TMCC1: variants seen among roughly 807,000 people sequenced by gnomAD.
TMCC1 encodes transmembrane and coiled-coil domain family 1.
Under a neutral mutation model 52.4 loss-of-function variants are expected in TMCC1, and 15 were observed. That is an observed-to-expected ratio of 0.29 (90% CI 0.19 to 0.44). The LOEUF (loss-of-function observed/expected upper bound fraction) is 0.44, where lower values mean the gene tolerates loss of function less well. TMCC1 is among the 20% of genes least tolerant of loss of function. TMCC1 has a pLI of 1.00. For synonymous variants in TMCC1, 279 were observed against 301.9 expected, an observed-to-expected ratio of 0.92 and a Z score of 0.79; for missense variants, 503 against 806.0, an observed-to-expected ratio of 0.62 and a Z score of 4.55.
intron 4 of TMCC1, among the ~76,000 whole-genome samples, chr3:129,684,238 GAATC>G (rs2089235146): frequency 6.6e-6 from 1 of 152,182 alleles, no homozygotes; most frequent in Non-Finnish European, 1.5e-5. Context: ...AAAAGACTGA[GAATC>G]AATGCACACC....
At chr3:129,870,594 C>T (rs1005109768) in intron 2 of TMCC1, among the ~76,000 whole-genome samples, 2 of 150,666 alleles carry the variant, frequency 1.3e-5, no homozygotes, top group African/African-American at 4.9e-5. Flanking sequence ...AAAAAATTAG[C>T]CAGGCGTGGT....
At chr3:129,686,028 C>T (rs1456203861) in intron 4 of TMCC1, among the ~76,000 whole-genome samples, 2 of 152,206 alleles carry the variant, frequency 1.3e-5, no homozygotes, top group Non-Finnish European at 1.5e-5. Flanking sequence ...CTACTGCTAC[C>T]ACCTTATGAT....
At chr3:129,877,080 G>C (rs548812263) in intron 2 of TMCC1, among the ~76,000 whole-genome samples, 2 of 152,098 alleles carry the variant, frequency 1.3e-5, no homozygotes. Flanking sequence ...ATCTTCTCCT[G>C]CCAAGAACAT....
chr3:129,789,769 C>T (rs1213487993), intron 4 of TMCC1, among the ~76,000 whole-genome samples: 2 of 152,152 alleles, frequency 1.3e-5, no homozygotes, highest in Non-Finnish European at 2.9e-5. Context: ...CGTGAGCCAC[C>T]GTGCCCGGCT....
intron 4 of TMCC1, among the ~76,000 whole-genome samples, chr3:129,782,108 A>G (rs2055583543): frequency 6.6e-6 from 1 of 152,310 alleles, no homozygotes; most frequent in South Asian, 2.1e-4. Flanking sequence ...TCTGTCAGAC[A>G]TTCTAACTGA....
intron 4 of TMCC1, among the ~76,000 whole-genome samples, chr3:129,707,983 T>C (rs192645172): frequency 6.7e-6 from 1 of 149,290 alleles, no homozygotes; most frequent in Non-Finnish European, 1.5e-5. Flanking sequence ...CAGGATATTA[T>C]AGAATTTGTA....
At chr3:129,876,917 A>C (rs2061243100) in intron 2 of TMCC1, among the ~76,000 whole-genome samples, 1 of 152,182 alleles carries the variant, frequency 6.6e-6, no homozygotes, top group Non-Finnish European at 1.5e-5. Context: ...AGATCGTGCC[A>C]CTGCACTCCA....
intron 4 of TMCC1, among the ~76,000 whole-genome samples, chr3:129,713,279 T>C (rs2109001379): frequency 6.6e-6 from 1 of 152,258 alleles, no homozygotes; most frequent in East Asian, 1.9e-4. Flanking sequence ...GTAGGTAATC[T>C]GGCATATAAT....
intron 4 of TMCC1, among the ~76,000 whole-genome samples, chr3:129,765,508 G>A (rs2054053646): frequency 6.6e-6 from 1 of 152,030 alleles, no homozygotes; most frequent in Non-Finnish European, 1.5e-5. Context: ...TATAGAAAAA[G>A]CAGCTTAATT....
intron 4 of TMCC1, among the ~76,000 whole-genome samples, chr3:129,804,696 G>T (rs151162131): frequency 1.0e-3 from 158 of 152,116 alleles, no homozygotes; most frequent in African/African-American, 3.4e-3. Context: ...TTGTGGGCAC[G>T]GTATATCTAA....
intron 2 of TMCC1, among the ~76,000 whole-genome samples, chr3:129,849,633 G>A (rs2059823144): frequency 6.6e-6 from 1 of 151,398 alleles, no homozygotes; most frequent in East Asian, 1.9e-4. Context: ...GGGGGTGGTG[G>A]CGGGCACCTG....
At chr3:129,814,569 T>C (rs897154950) in intron 4 of TMCC1, among the ~76,000 whole-genome samples, 3 of 152,090 alleles carry the variant, frequency 2.0e-5, no homozygotes, top group Non-Finnish European at 4.4e-5. Flanking sequence ...ACACTGAATG[T>C]AAATGGACTC....
chr3:129,752,811 T>C (rs138413656), intron 4 of TMCC1, among the ~76,000 whole-genome samples: 337 of 152,196 alleles, frequency 2.2e-3, no homozygotes, highest in African/African-American at 7.8e-3. Context: ...CTCAGTAATT[T>C]ACGAAGAAAA....
intron 4 of TMCC1, among the ~76,000 whole-genome samples, chr3:129,810,164 C>T (rs1336152677): frequency 7.2e-5 from 11 of 152,098 alleles, no homozygotes. Flanking sequence ...CAAGACCAGC[C>T]TGGGCAACAT....
chr3:129,825,461 T>C (rs2058616663), intron 4 of TMCC1, among the ~76,000 whole-genome samples: 1 of 148,324 alleles, frequency 6.7e-6, no homozygotes, highest in African/African-American at 2.5e-5. Context: ...TTAACCTTAA[T>C]AGAGAACCTG....
At chr3:129,723,631 G>A (rs1309605007) in intron 4 of TMCC1, among the ~76,000 whole-genome samples, 1 of 152,110 alleles carries the variant, frequency 6.6e-6, no homozygotes, top group African/African-American at 2.4e-5. Context: ...CAAGAGACGG[G>A]ACACTCCAGG....
chr3:129,764,788 TA>T (rs1560367816), intron 4 of TMCC1, among the ~76,000 whole-genome samples: 7 of 73,446 alleles, frequency 9.5e-5, no homozygotes, highest in East Asian at 4.4e-4. Context: ...TATATATATA[TA>T]TTTTTTTTTT....
chr3:129,831,723 G>A (rs1040113258), intron 3 of TMCC1, among the ~76,000 whole-genome samples: 3 of 152,194 alleles, frequency 2.0e-5, no homozygotes. Context: ...ATTGCTGACA[G>A]TAAGAATGCA....
intron 5 of TMCC1, among the ~76,000 whole-genome samples, chr3:129,659,691 A>G (rs2086897676): frequency 6.6e-6 from 1 of 152,158 alleles, no homozygotes; most frequent in South Asian, 2.1e-4. Context: ...AAGGTTCTGG[A>G]AGTCATTTTC....
Sources: allele counts gnomAD v4.1 joint callset (sites outside exome capture counted in the v4.1 genomes callset), GRCh38; gene constraint gnomAD v4.1.1; transcripts MANE v1.5; gene names NCBI Gene and HGNC (gene_info 2026-07-23, HGNC 2026-07-21).